The following SLC17A4 variants were observed in gnomAD, a reference collection of about 807,000 sequenced individuals.
SLC17A4 encodes probable small intestine urate exporter.
SLC17A4 carries 33 observed loss-of-function variants against 52.5 expected under a neutral mutation model. The observed-to-expected ratio is 0.63, with a 90% CI of 0.48 to 0.84. SLC17A4 has a LOEUF of 0.84. SLC17A4 is among the 40% of genes least tolerant of loss of function. The pLI is 0.00. For synonymous variants in SLC17A4, 225 were observed against 216.2 expected, an observed-to-expected ratio of 1.04 and a Z score of -0.36; for missense variants, 585 against 597.1, an observed-to-expected ratio of 0.98 and a Z score of 0.21.
intron 6 of SLC17A4, 70 bp from the exon 7 acceptor site, chr6:25,773,205 A>T: frequency 8.3e-7 from 1 of 1,204,066 alleles, no homozygotes; most frequent in Non-Finnish European, 1.2e-6. Flanking sequence ...CAACCACAGG[A>T]ATCATCTTAG....
chr6:25,760,393 T>C (rs1379616589), intron 1 of SLC17A4, among the ~76,000 whole-genome samples: 2 of 152,204 alleles, frequency 1.3e-5, no homozygotes, highest in Admixed American at 6.5e-5. Context: ...TCTATTATTA[T>C]AAATAAGTTT....
At chr6:25,758,257 T>G (rs956607209) in intron 1 of SLC17A4, among the ~76,000 whole-genome samples, 6 of 152,228 alleles carry the variant, frequency 3.9e-5, no homozygotes, top group Non-Finnish European at 7.3e-5. Flanking sequence ...GACGGGGCAG[T>G]GCCCTCCTCC....
At chr6:25,764,198 A>G (rs571390345) in intron 2 of SLC17A4, among the ~76,000 whole-genome samples, 39 of 152,294 alleles carry the variant, frequency 2.6e-4, no homozygotes, top group African/African-American at 8.9e-4. Flanking sequence ...ACCTTGGGCC[A>G]GAATGCCCTC....
chr6:25,757,619 C>G (rs186045835), intron 1 of SLC17A4, among the ~76,000 whole-genome samples: 8 of 152,110 alleles, frequency 5.3e-5, no homozygotes, highest in Non-Finnish European at 1.0e-4. Context: ...TTCTTGATCC[C>G]TTTCTCTGTC....
Position 25,770,114 on chromosome 6 carries a change from C to T in SLC17A4, c.345C>T (p.Ser115=). The change falls in exon 4 of 12, where the codon AGC becomes AGT. Residue 115 remains serine, a synonymous_variant. Coordinates refer to ENST00000377905, the MANE Select transcript of SLC17A4 (RefSeq NM_005495.3). ...CTGAAATCCAGGGAATCATCCTCAG[C>T]TCCCTCAACTATGGCTCATTCTTGG... is the stretch of plus-strand genomic sequence containing the variant. ...WSPEIQGIIL[S]SLNYGSFLAP... is the part of the protein sequence containing the mutation. The T allele has an allele frequency of 6.8e-6, 11 of 1,614,122 alleles. No homozygotes were observed. Among genetic ancestry groups the T allele is most frequent in the Non-Finnish European group, 9.3e-6 (11 of 1,179,976 alleles).
chr6:25,755,716 T>C (rs1760957332), intron 1 of SLC17A4, among the ~76,000 whole-genome samples: 1 of 152,202 alleles, frequency 6.6e-6, no homozygotes, highest in African/African-American at 2.4e-5. Context: ...TTCTTAGCTA[T>C]GGACTCACAG....
At chr6:25,758,064 A>C (rs1265066281) in intron 1 of SLC17A4, among the ~76,000 whole-genome samples, 1 of 152,180 alleles carries the variant, frequency 6.6e-6, no homozygotes, top group African/African-American at 2.4e-5. Flanking sequence ...CACAGCCTCC[A>C]GTGTGGTGTA....
intron 2 of SLC17A4, 150 bp from the exon 3 acceptor site, chr6:25,768,835 A>C: frequency 1.4e-6 from 1 of 729,504 alleles, no homozygotes; most frequent in Non-Finnish European, 2.3e-6. Context: ...TCCCAGGGGA[A>C]CAAAATTCCA....
rs374438985 is a variant in SLC17A4, at chr6:25,776,544, G to A, written c.988-51G>A. 4.7e-5 allele frequency: 72 copies of A among 1,546,006 alleles called. No homozygotes were observed. The South Asian group carries it at 5.8e-4, about 12-fold the overall frequency. On this transcript the variant is annotated intron_variant, in intron 8 of 11. Transcript: ENST00000377905. ...CAGTCTGTCCAAGGTTGTCTGTGTC[G>A]TGGTGGGGGTGGTAAGGGCACATGC...
At chr6:25,773,826 G>T in intron 8 of SLC17A4, 152 bp downstream of exon 8, 1 of 697,956 alleles carries the variant, frequency 1.4e-6, no homozygotes, top group Non-Finnish European at 2.3e-6. Context: ...AGTTAATTTG[G>T]ATTCTGATTG....
Position 25,777,950 on chromosome 6 carries a change from A to AT in SLC17A4, c.1295dup (p.Leu432PhefsTer39). 6.2e-7 allele frequency: 1 copy of AT among 1,613,184 alleles called. No individual in the cohort carries two copies. The highest frequency in any genetic ancestry group is 1.1e-5 in the South Asian group (1 of 91,048). ...GGTACACTGGCTTTCTCAAAGGACT[A>AT]TTGCAAGTCTTTGCACACATAGCTG... On this transcript the variant is annotated frameshift_variant, in exon 11 of 12. Coordinates refer to ENST00000377905, the MANE Select transcript of SLC17A4 (RefSeq NM_005495.3). LOFTEE classifies it high-confidence loss of function.
At position 25,779,097 on chromosome 6, in the gene SLC17A4, C is replaced by T; in HGVS notation, c.1403C>T (p.Ala468Val). ...AGAAATGTCTTCTTGCTTTCAGCTG[C>T]TGTTAACATATCGGGCCTGGTTTTC... ...GWRNVFLLSA[A>V]VNISGLVFYL... Residue 468 changes from alanine to valine, a missense_variant, in exon 12 of 12, where the codon GCT becomes GTT. Physicochemically the swap from Ala to Val is moderately conservative, Grantham distance 64. Coordinates refer to ENST00000377905, the MANE Select transcript of SLC17A4 (RefSeq NM_005495.3). 1.2e-6 allele frequency: 2 copies of T among 1,613,930 alleles called. No individual in the cohort carries two copies. The highest frequency in any genetic ancestry group is 8.5e-7 in the Non-Finnish European group (1 of 1,179,820).
intron 2 of SLC17A4, among the ~76,000 whole-genome samples, chr6:25,765,702 T>C (rs1175879578): frequency 1.3e-5 from 2 of 152,110 alleles, no homozygotes; most frequent in Non-Finnish European, 2.9e-5. Flanking sequence ...AAGGAGAAGA[T>C]AGATTTGAGA....
chr6:25,760,705 T>C (rs1761455552), intron 1 of SLC17A4, among the ~76,000 whole-genome samples: 1 of 152,188 alleles, frequency 6.6e-6, no homozygotes, highest in Non-Finnish European at 1.5e-5. Context: ...ACATAGCTCA[T>C]TACCGTTGAT....
chr6:25,758,653 A>C (rs1761234741), intron 1 of SLC17A4, among the ~76,000 whole-genome samples: 1 of 152,108 alleles, frequency 6.6e-6, no homozygotes, highest in African/African-American at 2.4e-5. Flanking sequence ...GTTTTGTTTC[A>C]AATTGAGCTT....
At position 25,773,572 on chromosome 6, in the gene SLC17A4, G is replaced by A. The variant is rs779499183; in HGVS notation, c.885G>A (p.Trp295Ter). ...IRAMIKSLPL[W>*]AILVSYFCEY... is the part of the protein sequence containing the mutation. ...CTATGATCAAATCCTTACCACTCTG[G>A]GCCATTTTAGTCTCTTATTTCTGTG... The change falls in exon 8 of 12, where the codon TGG (tryptophan) becomes TGA (stop). Residue 295 changes from tryptophan (W) to a stop codon, truncating the protein, a stop_gained. Transcript: ENST00000377905. LOFTEE classifies it high-confidence loss of function. 12 of 1,613,808 alleles carry A rather than the reference G, an allele frequency of 7.4e-6. No homozygotes were observed. The highest frequency in any genetic ancestry group is 1.0e-5 in the Non-Finnish European group (12 of 1,179,898).
chr6:25,774,335 A>C (rs1762723710), intron 8 of SLC17A4, among the ~76,000 whole-genome samples: 1 of 152,204 alleles, frequency 6.6e-6, no homozygotes, highest in African/African-American at 2.4e-5. Context: ...ATCAGATTTC[A>C]TAACATGTTA....
Position 25,776,894 on chromosome 6 carries a change from G to C in SLC17A4, c.1203G>C (p.Leu401=). ...GCATGACCATGACCTTCTTGGTGCTGTCTTCTGCCATCAGCAGCTTCTGTG... is the reference window on the plus strand; with the variant it reads ...GCATGACCATGACCTTCTTGGTGCTCTCTTCTGCCATCAGCAGCTTCTGTG... ...SHSMTMTFLV[L]SSAISSFCES... The change falls in exon 10 of 12, where the codon CTG becomes CTC. Residue 401 remains leucine, a synonymous_variant. Transcript: ENST00000377905. The C allele has an allele frequency of 1.2e-6, 2 of 1,613,914 alleles. No individual in the cohort carries two copies. Among genetic ancestry groups the C allele is most frequent in the Non-Finnish European group, 1.7e-6 (2 of 1,179,876 alleles).
Position 25,773,495 on chromosome 6 carries a change from ATG to A in SLC17A4, c.826-13_826-12del, listed in dbSNP as rs1762647428. ...CTGCCTTCTGACGGAGGGGACATTG[ATG>A]TGTGCTTTCTTCCAGGACTGTTCAC... On this transcript the variant is annotated splice_polypyrimidine_tract_variant and intron_variant, in intron 7 of 11. Transcript: ENST00000377905. 6.2e-7 allele frequency: 1 copy of A among 1,613,432 alleles called. No homozygotes were observed. The highest frequency in any genetic ancestry group is 1.3e-5 in the African/African-American group (1 of 74,862).
Sources: gnomAD v4.1 joint callset for allele counts (sites outside exome capture counted in the v4.1 genomes callset) on GRCh38, gnomAD v4.1.1 for gene constraint, MANE v1.5 for transcripts, NCBI Gene and HGNC (gene_info 2026-07-23, HGNC 2026-07-21) for gene names.